UBE2G1: variants seen among roughly 807,000 people sequenced by gnomAD.
The protein encoded by UBE2G1 is ubiquitin-conjugating enzyme E2 G1.
Under a neutral mutation model 22.7 loss-of-function variants are expected in UBE2G1, and 5 were observed. The observed-to-expected ratio is 0.22, with a 90% confidence interval of 0.12 to 0.46. UBE2G1 has a LOEUF of 0.46. Among genes scored for constraint, UBE2G1 ranks in the 20% least tolerant of loss-of-function variants. The pLI is 0.99. For missense variants in UBE2G1, 88 were observed against 203.9 expected, an observed-to-expected ratio of 0.43 and a Z score of 3.46; for synonymous variants, 74 against 67.5, an observed-to-expected ratio of 1.10 and a Z score of -0.47.
In UBE2G1 at chr17:4,366,331, G is replaced by C; in HGVS notation, c.-15C>G. ...AGCTCCGTCATCCTCCCTGCCGAGG[G>C]CCCGGGCTGGCGCCGGGGCTTCCGA... is the stretch of plus-strand genomic sequence containing the variant. On this transcript the variant is annotated 5_prime_UTR_variant, in exon 1 of 6. Coordinates refer to ENST00000396981, the MANE Select transcript of UBE2G1 (RefSeq NM_003342.5). The C allele has an allele frequency of 6.5e-7, 1 of 1,535,566 alleles. No homozygotes were observed. The highest frequency in any genetic ancestry group is 8.7e-7 in the Non-Finnish European group (1 of 1,150,464).
intron 5 of UBE2G1, among the ~76,000 whole-genome samples, chr17:4,281,285 GCATT>G (rs1433769319): frequency 6.6e-6 from 1 of 152,140 alleles, no homozygotes; most frequent in Non-Finnish European, 1.5e-5. Flanking sequence ...ACAGAAGAAT[GCATT>G]CATTATCATT....
chr17:4,339,813 C>A (rs1340822466), intron 1 of UBE2G1, among the ~76,000 whole-genome samples: 1 of 151,764 alleles, frequency 6.6e-6, no homozygotes, highest in Non-Finnish European at 1.5e-5. Flanking sequence ...CATGCCATTG[C>A]GCTCCAGCCT....
intron 1 of UBE2G1, among the ~76,000 whole-genome samples, chr17:4,363,131 T>G (rs931314275): frequency 2.0e-5 from 3 of 152,114 alleles, no homozygotes; most frequent in African/African-American, 7.2e-5. Context: ...AAAAATAAAA[T>G]AAAACAAGGC....
chr17:4,303,786 T>C (rs1313538367), intron 2 of UBE2G1, among the ~76,000 whole-genome samples: 1 of 152,206 alleles, frequency 6.6e-6, no homozygotes, highest in East Asian at 1.9e-4. Flanking sequence ...TAACTGATTC[T>C]TCATTTTCTA....
intron 1 of UBE2G1, among the ~76,000 whole-genome samples, chr17:4,333,272 G>A (rs1331273008): frequency 4.6e-5 from 7 of 152,006 alleles, no homozygotes; most frequent in Admixed American, 6.6e-5. Flanking sequence ...AATGACCTTC[G>A]TTCACATCAA....
chr17:4,284,071 C>T (rs895145568), intron 4 of UBE2G1, among the ~76,000 whole-genome samples: 1 of 150,450 alleles, frequency 6.6e-6, no homozygotes, highest in Non-Finnish European at 1.5e-5. Context: ...GTGGGAGAAT[C>T]GCTTGAACCT....
intron 2 of UBE2G1, among the ~76,000 whole-genome samples, chr17:4,298,230 G>C (rs1969133358): frequency 6.6e-6 from 1 of 152,172 alleles, no homozygotes; most frequent in African/African-American, 2.4e-5. Context: ...GAGGCTGAGG[G>C]GGGAAGGATC....
chr17:4,327,064 G>C (rs1024500416), intron 1 of UBE2G1, among the ~76,000 whole-genome samples: 1 of 152,302 alleles, frequency 6.6e-6, no homozygotes, highest in African/African-American at 2.4e-5. Context: ...GGGAGGCCGA[G>C]GCAGGTGGAT....
chr17:4,281,787 C>G (rs1397213602), intron 5 of UBE2G1, among the ~76,000 whole-genome samples: 1 of 152,198 alleles, frequency 6.6e-6, no homozygotes, highest in African/African-American at 2.4e-5. Context: ...GTGCTCTACA[C>G]CTTCAGAAAA....
chr17:4,274,472 G>C (rs61489128), intron 5 of UBE2G1, among the ~76,000 whole-genome samples: 5,788 of 152,096 alleles, frequency 0.038, 404 homozygotes, highest in African/African-American at 0.13. Flanking sequence ...GCTGGGATTA[G>C]AGGCGTGAGC....
intron 1 of UBE2G1, among the ~76,000 whole-genome samples, chr17:4,361,218 G>A (rs1969962689): frequency 6.7e-6 from 1 of 150,142 alleles, no homozygotes; most frequent in African/African-American, 2.5e-5. Context: ...ACAAGACTCT[G>A]TGTTGGGAAA....
intron 1 of UBE2G1, among the ~76,000 whole-genome samples, chr17:4,307,712 C>CT (rs533498927): frequency 5.9e-4 from 90 of 152,284 alleles, no homozygotes; most frequent in African/African-American, 2.1e-3. Flanking sequence ...TGTCGACCCT[C>CT]TGAGAGCCAC....
chr17:4,352,990 G>A (rs569946194), intron 1 of UBE2G1, among the ~76,000 whole-genome samples: 3 of 152,180 alleles, frequency 2.0e-5, no homozygotes, highest in East Asian at 1.9e-4. Flanking sequence ...AGGGTGAGAC[G>A]GACGGATCAC....
chr17:4,272,331 T>C lies in UBE2G1; in HGVS notation c.*223A>G, dbSNP rs1968770666. The C allele has an allele frequency of 5.8e-6, 1 of 172,202 alleles. No homozygotes were observed. Among genetic ancestry groups the C allele is most frequent in the Non-Finnish European group, 1.2e-5 (1 of 80,688 alleles). The allele number at this position is 172,202 out of a possible 1,614,324, so 10.7% of individuals were successfully genotyped here. ...CAATTCTTCCTGAAGGTTAAAACAGTTCATTAGAATTCAAAATGCGTAATC... is the reference window on the plus strand; with the variant it reads ...CAATTCTTCCTGAAGGTTAAAACAGCTCATTAGAATTCAAAATGCGTAATC... On this transcript the variant is annotated 3_prime_UTR_variant, in exon 6 of 6. Coordinates refer to ENST00000396981, the MANE Select transcript of UBE2G1 (RefSeq NM_003342.5).
intron 1 of UBE2G1, among the ~76,000 whole-genome samples, chr17:4,357,807 CA>C (rs1378081808): frequency 6.6e-6 from 1 of 151,096 alleles, no homozygotes; most frequent in Non-Finnish European, 1.5e-5. Context: ...TCAAAAAAAA[CA>C]AAAAAAATAG....
At chr17:4,308,937 A>G (rs1441720800) in intron 1 of UBE2G1, among the ~76,000 whole-genome samples, 3 of 152,192 alleles carry the variant, frequency 2.0e-5, no homozygotes, top group Admixed American at 1.3e-4. Flanking sequence ...ACAACATGCC[A>G]GCAAAATAGG....
At chr17:4,320,087 T>G (rs1969420990) in intron 1 of UBE2G1, among the ~76,000 whole-genome samples, 1 of 152,106 alleles carries the variant, frequency 6.6e-6, no homozygotes, top group Non-Finnish European at 1.5e-5. Flanking sequence ...ATATATAAAT[T>G]TACATTGTCA....
chr17:4,321,889 T>C (rs959278262), intron 1 of UBE2G1, among the ~76,000 whole-genome samples: 4 of 152,240 alleles, frequency 2.6e-5, no homozygotes, highest in Admixed American at 6.5e-5. Flanking sequence ...TGTGTGTCTA[T>C]AAAGTTTATT....
At chr17:4,363,249 TGTTA>T (rs1969989374) in intron 1 of UBE2G1, among the ~76,000 whole-genome samples, 1 of 152,218 alleles carries the variant, frequency 6.6e-6, no homozygotes, top group Non-Finnish European at 1.5e-5. Flanking sequence ...ATTTTGAGCA[TGTTA>T]ATTAACATGC....
Sources: gnomAD v4.1 joint callset for allele counts (sites outside exome capture counted in the v4.1 genomes callset) on GRCh38, gnomAD v4.1.1 for gene constraint, MANE v1.5 for transcripts, NCBI Gene and HGNC (gene_info 2026-07-23, HGNC 2026-07-21) for gene names.